The following LPIN1 variants were observed in gnomAD, a reference collection of about 807,000 sequenced individuals.
The protein encoded by LPIN1 is phosphatidate phosphatase LPIN1.
A neutral mutation model predicts 107.5 loss-of-function variants in LPIN1; 71 were observed. The observed-to-expected ratio is 0.66, with a 90% confidence interval of 0.55 to 0.80. LPIN1 has a LOEUF of 0.80. Ranked by LOEUF, LPIN1 falls within the 30% of genes least tolerant of loss-of-function variation. The probability of loss-of-function intolerance (pLI) is 0.00; values close to 1 mark genes in which losing one functional copy is unlikely to be tolerated. For synonymous variants in LPIN1, 445 were observed against 452.6 expected, an observed-to-expected ratio of 0.98 and a Z score of 0.21; for missense variants, 1,043 against 1,160.6, an observed-to-expected ratio of 0.90 and a Z score of 1.47.
At position 11,783,718 on chromosome 2, in the gene LPIN1, T is replaced by C. The variant is rs1673961416; in HGVS notation, c.1265-111T>C. 3.4e-6 allele frequency: 3 copies of C among 893,536 alleles called. No individual in the cohort carries two copies. In the East Asian group the frequency reaches 7.2e-5, roughly 22 times the overall value. 55.4% of individuals were successfully genotyped at this position (893,536 alleles called of 1,614,324 possible). ...TGTTGTGGTTCTTGGGCAGTTTGAG[T>C]ACCTGGGAGCAAATCTGCACATAGT... On this transcript the variant is annotated intron_variant, in intron 8 of 20. Transcript: ENST00000674199.
intron 1 of LPIN1, among the ~76,000 whole-genome samples, chr2:11,679,278 G>C (rs1661585374): frequency 6.6e-6 from 1 of 152,140 alleles, no homozygotes; most frequent in African/African-American, 2.4e-5. Context: ...ATGGGGAGAG[G>C]AACCCAGGCC....
intron 1 of LPIN1, among the ~76,000 whole-genome samples, chr2:11,698,174 G>A (rs1373586779): frequency 1.3e-5 from 2 of 152,168 alleles, no homozygotes; most frequent in Admixed American, 6.5e-5. Context: ...CTCACTTGAC[G>A]TCATGGCAAG....
At chr2:11,705,600 C>T (rs1031807482) in intron 1 of LPIN1, among the ~76,000 whole-genome samples, 27 of 152,102 alleles carry the variant, frequency 1.8e-4, no homozygotes, top group Middle Eastern at 3.4e-3. Flanking sequence ...AAGCGTGTCT[C>T]GGACAGGGAG....
At chr2:11,817,546 A>C (rs1573011263) in intron 18 of LPIN1, 1 of 152,168 alleles carries the variant, frequency 6.6e-6, no homozygotes, top group Non-Finnish European at 1.5e-5. Context: ...TCCACTAAGA[A>C]TGGATTTATT....
At chr2:11,766,033 A>G (rs966193517) in intron 2 of LPIN1, among the ~76,000 whole-genome samples, 15 of 152,194 alleles carry the variant, frequency 9.9e-5, no homozygotes, top group African/African-American at 3.6e-4. Flanking sequence ...GGAAAGCTCA[A>G]AGGCTGAGGG....
intron 2 of LPIN1, among the ~76,000 whole-genome samples, chr2:11,716,769 A>G (rs1216042444): frequency 6.6e-6 from 1 of 152,142 alleles, no homozygotes; most frequent in Non-Finnish European, 1.5e-5. Context: ...CAGAAACTCA[A>G]CGAAATACAC....
intron 20 of LPIN1, among the ~76,000 whole-genome samples, chr2:11,822,441 C>T (rs1193628874): frequency 6.7e-6 from 1 of 150,048 alleles, no homozygotes; most frequent in Non-Finnish European, 1.5e-5. Context: ...CAGAGTGAGA[C>T]TCCATCTAAA....
rs1000214672 is a variant in LPIN1 at position 11,826,364 on chromosome 2, T to G, written c.*1573T>G. ...CAAAGGCAAACAGATCTGCCATCGA[T>G]CGCAGATTTCTGTAGAAACACGGAT... On this transcript the variant is annotated 3_prime_UTR_variant, in exon 21 of 21. Coordinates refer to ENST00000674199, the MANE Select transcript of LPIN1 (RefSeq NM_001349206.2). 2.6e-5 allele frequency: 4 copies of G among 152,570 alleles called. No homozygotes were observed. The highest frequency in any genetic ancestry group is 9.7e-5 in the African/African-American group (4 of 41,434). The allele number at this position is 152,570 out of a possible 1,614,324, so 9.5% of individuals were successfully genotyped here.
intron 11 of LPIN1, among the ~76,000 whole-genome samples, chr2:11,787,565 T>C (rs891624051): frequency 4.6e-5 from 7 of 152,044 alleles, no homozygotes; most frequent in African/African-American, 1.7e-4. Context: ...TACACCCAGC[T>C]CGATGTTCTT....
chr2:11,777,802 A>G (rs1187228767), intron 6 of LPIN1, among the ~76,000 whole-genome samples: 1 of 152,256 alleles, frequency 6.6e-6, no homozygotes, highest in Non-Finnish European at 1.5e-5. Flanking sequence ...CAAAGAACTT[A>G]TAGCCAAATA....
chr2:11,750,774 G>A (rs77290833), intron 1 of LPIN1, among the ~76,000 whole-genome samples: 1,880 of 148,324 alleles, frequency 0.013, 27 homozygotes, highest in African/African-American at 0.045. Context: ...CAGAGCCTGC[G>A]CTCTTACCTG....
At chr2:11,814,202 A>T (rs1025837970) in intron 17 of LPIN1, among the ~76,000 whole-genome samples, 3 of 152,110 alleles carry the variant, frequency 2.0e-5, no homozygotes, top group African/African-American at 7.2e-5. Flanking sequence ...GAGTCCTGGG[A>T]GCTGAGTGAC....
chr2:11,758,693 A>G lies in LPIN1; in HGVS notation c.-9-6840A>G, dbSNP rs373047401. Among the ~76,000 whole-genome samples, 9 of 152,356 alleles carry G rather than the reference A, an allele frequency of 5.9e-5. No homozygotes were observed. In the East Asian group the frequency reaches 1.2e-3, roughly 20 times the overall value. On this transcript the variant is annotated intron_variant, in intron 1 of 20. Coordinates refer to ENST00000674199, the MANE Select transcript of LPIN1 (RefSeq NM_001349206.2). The stretch of plus-strand genomic sequence containing the variant: ...TTCAATAGAGGGGACAGCTAAAGAT[A>G]TCAAAGCACCACTAATCTAAGCTAA...
At chr2:11,682,528 C>G (rs539830021) in intron 1 of LPIN1, 1 of 152,560 alleles carries the variant, frequency 6.6e-6, no homozygotes, top group Non-Finnish European at 1.5e-5. Flanking sequence ...CATCTCCATA[C>G]CATTTCAGTT....
At chr2:11,769,483 T>C (rs1671513224) in intron 3 of LPIN1, among the ~76,000 whole-genome samples, 1 of 152,178 alleles carries the variant, frequency 6.6e-6, no homozygotes, top group Non-Finnish European at 1.5e-5. Flanking sequence ...ACAAGTCCCT[T>C]ATCGGGTATA....
intron 10 of LPIN1, 139 bp downstream of exon 10, chr2:11,785,215 C>T: frequency 3.0e-6 from 2 of 655,782 alleles, no homozygotes; most frequent in Non-Finnish European, 5.1e-6. Context: ...TAGCACCGAA[C>T]TCATAATCCC....
intron 1 of LPIN1, among the ~76,000 whole-genome samples, chr2:11,678,509 A>G (rs941179573): frequency 6.6e-6 from 1 of 152,166 alleles, no homozygotes; most frequent in Non-Finnish European, 1.5e-5. Flanking sequence ...AGAGGCTGAG[A>G]TGGCAGTGAG....
chr2:11,811,627 T>C (rs999695309), intron 17 of LPIN1, among the ~76,000 whole-genome samples: 1 of 152,246 alleles, frequency 6.6e-6, no homozygotes, highest in African/African-American at 2.4e-5. Flanking sequence ...GAGCTATACA[T>C]GGAAATAGTG....
rs554917508 is a variant in LPIN1, at chr2:11,681,518, T to C, written c.81+3790T>C. Reference sequence around the variant, plus strand: ...GTAAGTTTCCCGAGGTCTCCCCAGCTATGCTTCCTGTACAGCCTGTGGAAC... The same window carrying C: ...GTAAGTTTCCCGAGGTCTCCCCAGCCATGCTTCCTGTACAGCCTGTGGAAC... On this transcript the variant is annotated intron_variant, in intron 1 of 21. Transcript: ENST00000449576. The C allele has an allele frequency of 5.1e-4, 80 of 157,440 alleles. 1 individual carries two copies. The highest frequency in any genetic ancestry group is 3.2e-3 in the Middle Eastern group (1 of 314). 9.8% of individuals were successfully genotyped at this position (157,440 alleles called of 1,614,324 possible). A position where few individuals can be genotyped will look rare whatever the true frequency, so the allele number is the denominator to read the frequency against.
Sources: gnomAD v4.1 joint callset for allele counts (sites outside exome capture counted in the v4.1 genomes callset) on GRCh38, gnomAD v4.1.1 for gene constraint, MANE v1.5 for transcripts, NCBI Gene and HGNC (gene_info 2026-07-23, HGNC 2026-07-21) for gene names.